PRTG: variants seen among roughly 807,000 people sequenced by gnomAD.
PRTG encodes the protein immunoglobulin superfamily, DCC subclass, member 5.
PRTG carries 67 observed loss-of-function variants against 122.5 expected under a neutral mutation model. The observed-to-expected ratio is 0.55, with a 90% CI of 0.45 to 0.67. The LOEUF is 0.67. Among genes scored for constraint, PRTG ranks in the 30% least tolerant of loss-of-function variants. The probability of loss-of-function intolerance (pLI) is 0.00; values close to 1 mark genes in which losing one functional copy is unlikely to be tolerated. For missense variants in PRTG, 1,435 were observed against 1,415.4 expected (o/e 1.01, Z -0.22); for synonymous variants, 554 against 501.1 (o/e 1.11, Z -1.41).
In PRTG at chr15:55,680,223, G is replaced by A. The variant is rs374186227; in HGVS notation, c.815-11C>T. The A allele has an allele frequency of 1.1e-4, 169 of 1,596,702 alleles. No homozygotes were observed. Among genetic ancestry groups the A allele is most frequent in the Middle Eastern group, 1.7e-4 (1 of 6,048 alleles). ...CAATGGATTTGTGATCTATTTCAAA[G>A]AGAATACTTCAGTTTAAACAATGTA... On this transcript the variant is annotated splice_polypyrimidine_tract_variant and intron_variant, in intron 5 of 19. Coordinates refer to ENST00000389286, the MANE Select transcript of PRTG (RefSeq NM_173814.6).
intron 2 of PRTG, 50 bp downstream of exon 2, chr15:55,740,332 T>C (rs1278628763): frequency 1.3e-6 from 2 of 1,483,184 alleles, no homozygotes; most frequent in Non-Finnish European, 1.8e-6. Context: ...CAAGAAATCA[T>C]CAAAATGTAG....
intron 2 of PRTG, among the ~76,000 whole-genome samples, chr15:55,711,375 C>T (rs1324304957): frequency 1.3e-5 from 2 of 152,160 alleles, no homozygotes; most frequent in African/African-American, 2.4e-5. Flanking sequence ...TTGCCTCTGT[C>T]TCAAGCTGCT....
At chr15:55,681,631 A>G (rs1429952822) in intron 4 of PRTG, among the ~76,000 whole-genome samples, 6 of 152,136 alleles carry the variant, frequency 3.9e-5, no homozygotes, top group Non-Finnish European at 5.9e-5. Context: ...AAATTGTTTA[A>G]TATAGAAGCT....
chr15:55,680,529 G>A lies in PRTG; in HGVS notation c.776C>T (p.Thr259Ile). The A allele has an allele frequency of 6.2e-7, 1 of 1,600,744 alleles. No homozygotes were observed. Among genetic ancestry groups the A allele is most frequent in the Non-Finnish European group, 8.5e-7 (1 of 1,173,694 alleles). ...HQTVVLECMA[T>I]GNPKPIISWS... ...AGAAATGATTGGTTTGGGATTTCCT[G>A]TGGCCATGCATTCCAAAACTACAGT... is the stretch of plus-strand genomic sequence containing the variant. The change falls in exon 5 of 20, where the codon ACA (threonine) becomes ATA (isoleucine). Residue 259 changes from threonine to isoleucine, a missense_variant. By Grantham distance (89) the Thr-to-Ile change is moderately conservative (BLOSUM62 -1). Transcript: ENST00000389286.
At position 55,678,004 on chromosome 15, in the gene PRTG, T is replaced by G; in HGVS notation, c.1174A>C (p.Ile392Leu). 1.2e-6 allele frequency: 2 copies of G among 1,602,370 alleles called. No individual in the cohort carries two copies. ...CTATTCTCAGCCATGCACTGATAAA[T>G]AGCATCATCTTCAGGAATAATCTGG... ...INQIIPEDDA[I>L]YQCMAENSQG... Residue 392 changes from isoleucine to leucine, a missense_variant, in exon 8 of 20, where the codon ATT (isoleucine) becomes CTT (leucine). Ile to Leu is a conservative substitution (Grantham distance 5). Transcript: ENST00000389286.
intron 2 of PRTG, among the ~76,000 whole-genome samples, chr15:55,733,756 G>A (rs1057427416): frequency 5.3e-5 from 8 of 152,082 alleles, no homozygotes; most frequent in African/African-American, 7.2e-5. Context: ...GAGCCCAGGA[G>A]GTCCAGGCTG....
At position 55,743,010 on chromosome 15, in the gene PRTG, G is replaced by C; in HGVS notation, c.-79C>G. ...GCGGCCCCCGCCCCGGGCGCTCTCT[G>C]CTCTGCGGCTGGTCGCACGCAGCCT... is the stretch of plus-strand genomic sequence containing the variant. On this transcript the variant is annotated 5_prime_UTR_variant, in exon 1 of 20. Coordinates refer to ENST00000389286, the MANE Select transcript of PRTG (RefSeq NM_173814.6). The C allele has an allele frequency of 7.4e-7, 1 of 1,354,486 alleles. No homozygotes were observed. The highest frequency in any genetic ancestry group is 9.5e-7 in the Non-Finnish European group (1 of 1,057,132). 83.9% of individuals were successfully genotyped at this position (1,354,486 alleles called of 1,614,324 possible).
intron 3 of PRTG, among the ~76,000 whole-genome samples, chr15:55,683,456 C>G (rs970256798): frequency 6.6e-6 from 1 of 152,162 alleles, no homozygotes; most frequent in Non-Finnish European, 1.5e-5. Flanking sequence ...AAGACCCTTA[C>G]ACCAACACTG....
intron 19 of PRTG, 105 bp from the exon 20 acceptor site, chr15:55,620,371 C>A: frequency 6.6e-7 from 1 of 1,516,940 alleles, no homozygotes; most frequent in South Asian, 1.3e-5. Context: ...TCAGAATTAC[C>A]CGTGGCAAGC....
intron 11 of PRTG, among the ~76,000 whole-genome samples, chr15:55,648,074 T>C (rs1430078353): frequency 1.3e-5 from 2 of 152,190 alleles, no homozygotes; most frequent in South Asian, 2.1e-4. Flanking sequence ...TAATCTCTCA[T>C]CTGCCAACAA....
intron 4 of PRTG, 92 bp from the exon 5 acceptor site, chr15:55,680,720 T>A (rs2059533274): frequency 2.3e-6 from 2 of 877,376 alleles, no homozygotes; most frequent in Admixed American, 3.5e-5. Context: ...TCACTCACTT[T>A]TCTTTTTTTA....
At chr15:55,646,179 T>TG (rs2059321760) in intron 11 of PRTG, among the ~76,000 whole-genome samples, 2 of 149,966 alleles carry the variant, frequency 1.3e-5, no homozygotes, top group African/African-American at 4.9e-5. Context: ...GCTAGTTTTT[T>TG]TTTTTTTTTT....
At chr15:55,733,686 G>A (rs2031314382) in intron 2 of PRTG, among the ~76,000 whole-genome samples, 2 of 152,048 alleles carry the variant, frequency 1.3e-5, no homozygotes, top group African/African-American at 2.4e-5. Context: ...AATTAGCTGT[G>A]CATGGCGGCA....
At chr15:55,703,477 G>A (rs2029967915) in intron 2 of PRTG, among the ~76,000 whole-genome samples, 1 of 152,138 alleles carries the variant, frequency 6.6e-6, no homozygotes, top group African/African-American at 2.4e-5. Context: ...AGATTATGAA[G>A]AACACCAGAA....
At chr15:55,629,375 A>ATGTGTGTGTGTGTGTGTG (rs59080250) in intron 15 of PRTG, among the ~76,000 whole-genome samples, 2 of 47,936 alleles carry the variant, frequency 4.2e-5, no homozygotes, top group Admixed American at 2.2e-4. Flanking sequence ...ATATATATAT[A>ATGTGTGTGTGTGTGTGTG]TGTGTGTGTG....
intron 2 of PRTG, among the ~76,000 whole-genome samples, chr15:55,684,215 T>G (rs774610305): frequency 2.0e-5 from 3 of 152,204 alleles, no homozygotes; most frequent in Non-Finnish European, 2.9e-5. Context: ...AAATAAACAA[T>G]GGTATATAAT....
intron 2 of PRTG, among the ~76,000 whole-genome samples, chr15:55,696,275 C>T (rs758009267): frequency 1.4e-4 from 22 of 152,026 alleles, no homozygotes; most frequent in Non-Finnish European, 2.9e-4. Context: ...AAAAAGAACA[C>T]GGGGAAATTT....
rs1325470330 is a variant in PRTG, at chr15:55,639,769, T to C, written c.2197A>G (p.Asn733Asp). The C allele has an allele frequency of 2.5e-6, 4 of 1,614,068 alleles. No individual in the cohort carries two copies. Among genetic ancestry groups the C allele is most frequent in the Non-Finnish European group, 1.7e-6 (2 of 1,180,038 alleles). The change falls in exon 13 of 20, where the codon AAC becomes GAC. Residue 733 changes from asparagine to aspartate, a missense_variant. Asn to Asp is a conservative substitution (Grantham distance 23). Transcript: ENST00000389286. ...PPPHHLYAKA[N>D]TSSSIFLHWR... Reference sequence around the variant, plus strand: ...TGCAGGAAGATGGAAGATGAGGTGTTAGCCTTCGCATAGAGATGGTGGGGT... The same window carrying C: ...TGCAGGAAGATGGAAGATGAGGTGTCAGCCTTCGCATAGAGATGGTGGGGT...
intron 11 of PRTG, among the ~76,000 whole-genome samples, chr15:55,664,504 G>A (rs1411174531): frequency 6.6e-6 from 1 of 152,148 alleles, no homozygotes; most frequent in Non-Finnish European, 1.5e-5. Context: ...AATTGGTACA[G>A]ATAACAACTT....
Sources: gnomAD v4.1 joint callset for allele counts (sites outside exome capture counted in the v4.1 genomes callset) on GRCh38, gnomAD v4.1.1 for gene constraint, MANE v1.5 for transcripts, NCBI Gene and HGNC (gene_info 2026-07-23, HGNC 2026-07-21) for gene names.